The following RBMS3 variants were observed in gnomAD, a reference collection of about 807,000 sequenced individuals.
RBMS3 encodes RNA binding motif single stranded interacting protein 3, also known as RNA-binding motif, single-stranded-interacting protein 3.
A neutral mutation model predicts 66.8 loss-of-function variants in RBMS3; 27 were observed. The observed-to-expected ratio is 0.40, with a 90% CI of 0.30 to 0.56. The LOEUF is 0.56. Among genes scored for constraint, RBMS3 ranks in the 20% least tolerant of loss-of-function variants. RBMS3 has a pLI of 0.40. For missense variants in RBMS3, 513 were observed against 549.5 expected (o/e 0.93, Z 0.66); for synonymous variants, 188 against 183.0 (o/e 1.03, Z -0.22).
At chr3:29,680,458 A>G (rs2051439181) in intron 4 of RBMS3, among the ~76,000 whole-genome samples, 1 of 152,166 alleles carries the variant, frequency 6.6e-6, no homozygotes, top group Non-Finnish European at 1.5e-5. Context: ...GAAAAAGAAA[A>G]TCAAGACTTT....
intron 1 of RBMS3, among the ~76,000 whole-genome samples, chr3:29,382,361 CA>C (rs2038800143): frequency 6.6e-6 from 1 of 152,136 alleles, no homozygotes; most frequent in Admixed American, 6.5e-5. Flanking sequence ...TGAATGCTCC[CA>C]CATATGTAAT....
In RBMS3 at chr3:29,535,710, C is replaced by CTTTTTTTTTTTTTTTTTTTTTTTT. The variant is rs149022808; in HGVS notation, c.307+47219_307+47242dup. 7.5e-5 allele frequency among the ~76,000 whole-genome samples: 3 copies of CTTTTTTTTTTTTTTTTTTTTTTTT among 39,744 alleles called. 1 individual carries two copies. Among genetic ancestry groups the CTTTTTTTTTTTTTTTTTTTTTTTT allele is most frequent in the African/African-American group, 3.0e-4 (3 of 9,860 alleles). 26.1% of individuals were successfully genotyped at this position (39,744 alleles called of 152,430 possible). A position where few individuals can be genotyped will look rare whatever the true frequency, so the allele number is the denominator to read the frequency against. Reference sequence around the variant, plus strand: ...GAGTTCAATGATTGAGATCATTGCTCTTTTTTTTTTTTTTTTTTTTTTTTT... The same window carrying CTTTTTTTTTTTTTTTTTTTTTTTT: ...GAGTTCAATGATTGAGATCATTGCTCTTTTTTTTTTTTTTTTTTTTTTTTTTTTTTTTTTTTTTTTTTTTTTTTT... On this transcript the variant is annotated intron_variant, in intron 3 of 14. Transcript: ENST00000383767.
At chr3:29,901,955 C>T (rs1318772652) in intron 10 of RBMS3, among the ~76,000 whole-genome samples, 1 of 151,832 alleles carries the variant, frequency 6.6e-6, no homozygotes, top group East Asian at 1.9e-4. Context: ...CTTTACCCAA[C>T]TGGCTTTAAT....
At chr3:29,533,945 G>A (rs939063723) in intron 3 of RBMS3, among the ~76,000 whole-genome samples, 1 of 152,116 alleles carries the variant, frequency 6.6e-6, no homozygotes, top group African/African-American at 2.4e-5. Context: ...AACATTATGG[G>A]CCACTCCTTA....
intron 1 of RBMS3, among the ~76,000 whole-genome samples, chr3:29,413,106 C>A (rs1290689944): frequency 6.6e-6 from 1 of 152,182 alleles, no homozygotes; most frequent in East Asian, 1.9e-4. Context: ...CGCGGTGGCT[C>A]ACACCTGTAA....
chr3:29,994,219 C>G (rs10865829), intron 14 of RBMS3, among the ~76,000 whole-genome samples: 45,751 of 151,848 alleles, frequency 0.3, 7,524 homozygotes, highest in East Asian at 0.54. Flanking sequence ...GCACTTTTCC[C>G]ACGGGCTTAA....
intron 14 of RBMS3, among the ~76,000 whole-genome samples, chr3:29,996,166 A>C (rs1176500544): frequency 6.7e-6 from 1 of 149,508 alleles, no homozygotes. Flanking sequence ...CAAAAGAGAC[A>C]AAGAAGGCCA....
intron 1 of RBMS3, among the ~76,000 whole-genome samples, chr3:29,307,662 C>T (rs1445465785): frequency 6.6e-6 from 1 of 151,668 alleles, no homozygotes; most frequent in Non-Finnish European, 1.5e-5. Flanking sequence ...AAGTGGCTGC[C>T]TTTGATTGTA....
At chr3:29,899,393 A>T (rs1358105398) in intron 9 of RBMS3, among the ~76,000 whole-genome samples, 1 of 151,646 alleles carries the variant, frequency 6.6e-6, no homozygotes. Flanking sequence ...CTGATCTTCA[A>T]ATGGTCTCTG....
At chr3:29,515,555 G>A (rs2044588839) in intron 3 of RBMS3, among the ~76,000 whole-genome samples, 1 of 152,190 alleles carries the variant, frequency 6.6e-6, no homozygotes, top group Admixed American at 6.5e-5. Context: ...CAGGCTGGAA[G>A]GATGTATCCT....
In RBMS3 at chr3:30,008,297, T is replaced by C. The variant is rs568370049; in HGVS notation, c.*4435T>C. 1.1e-4 allele frequency: 17 copies of C among 151,862 alleles called. No homozygotes were observed. The highest frequency in any genetic ancestry group is 4.1e-4 in the African/African-American group (17 of 41,410). The allele number at this position is 151,862 out of a possible 1,614,324, so 9.4% of individuals were successfully genotyped here. On this transcript the variant is annotated 3_prime_UTR_variant, in exon 15 of 15. Coordinates refer to ENST00000383767, the MANE Select transcript of RBMS3 (RefSeq NM_001003793.3). ...ACATTTGGCAATTCATTTTCATTCT[T>C]AATTTGAGTGCATGAACCACTGCAG...
Position 29,358,748 on chromosome 3 carries a change from A to G in RBMS3, c.76-75995A>G, listed in dbSNP as rs560971470. 1.1e-4 allele frequency among the ~76,000 whole-genome samples: 17 copies of G among 152,220 alleles called. No homozygotes were observed. The South Asian group carries it at 2.7e-3, about 24-fold the overall frequency. On this transcript the variant is annotated intron_variant, in intron 1 of 14. Transcript: ENST00000383767. ...GAGCAGTGGTTTGTAGTTCTCCTTGAAGAGGTCCTTCACATCCCTTGTAAG... is the reference window on the plus strand; with the variant it reads ...GAGCAGTGGTTTGTAGTTCTCCTTGGAGAGGTCCTTCACATCCCTTGTAAG...
chr3:29,706,865 G>A lies in RBMS3; in HGVS notation c.400-32855G>A, dbSNP rs1202992917. The stretch of plus-strand genomic sequence containing the variant: ...TGTTAAGAGAACTGAAGTCCCCAAA[G>A]ATATCTTGCATCCATTTTCTTGGAG... On this transcript the variant is annotated intron_variant, in intron 4 of 14. Transcript: ENST00000383767. 2.6e-5 allele frequency among the ~76,000 whole-genome samples: 4 copies of A among 152,116 alleles called. No homozygotes were observed. The South Asian group carries it at 8.3e-4, about 31-fold the overall frequency.
chr3:29,697,577 C>T (rs1379078302), intron 4 of RBMS3, among the ~76,000 whole-genome samples: 2 of 152,162 alleles, frequency 1.3e-5, no homozygotes, highest in Admixed American at 6.5e-5. Flanking sequence ...GTCCAAAATG[C>T]CTGGGACCAG....
At chr3:29,319,511 C>T (rs1204914557) in intron 1 of RBMS3, among the ~76,000 whole-genome samples, 2 of 151,830 alleles carry the variant, frequency 1.3e-5, no homozygotes, top group African/African-American at 4.8e-5. Context: ...GAGGCATAAG[C>T]GAAAATAAGA....
chr3:29,962,915 A>C (rs187660807), intron 12 of RBMS3, among the ~76,000 whole-genome samples: 3 of 152,196 alleles, frequency 2.0e-5, no homozygotes, highest in African/African-American at 7.2e-5. Context: ...CTGTAGAATA[A>C]ATCCTACATA....
chr3:29,927,286 G>A (rs951375588), intron 10 of RBMS3: 3 of 152,196 alleles, frequency 2.0e-5, no homozygotes, highest in Admixed American at 6.5e-5. Context: ...TGAGCAAGGA[G>A]CTGCTGTTAT....
intron 1 of RBMS3, among the ~76,000 whole-genome samples, chr3:29,355,498 AC>A (rs1195551192): frequency 2.6e-5 from 4 of 152,076 alleles, no homozygotes; most frequent in Non-Finnish European, 5.9e-5. Context: ...GAACTTCCTA[AC>A]ACATTACCTA....
chr3:29,294,000 A>T (rs2033040018), intron 1 of RBMS3, among the ~76,000 whole-genome samples: 1 of 151,634 alleles, frequency 6.6e-6, no homozygotes, highest in African/African-American at 2.4e-5. Context: ...CTTTTCAAAC[A>T]TAACTGTACT....
Sources: gnomAD v4.1 joint callset for allele counts (sites outside exome capture counted in the v4.1 genomes callset) on GRCh38, gnomAD v4.1.1 for gene constraint, MANE v1.5 for transcripts, NCBI Gene and HGNC (gene_info 2026-07-23, HGNC 2026-07-21) for gene names.